Variants in PLD5 observed in about 807,000 individuals in gnomAD.
PLD5 encodes the protein phospholipase D family member 5.
A neutral mutation model predicts 61.1 loss-of-function variants in PLD5; 36 were observed. The ratio of observed to expected loss-of-function variants is 0.59; its 90% CI spans 0.45 to 0.78. The LOEUF (loss-of-function observed/expected upper bound fraction) is 0.78. Ranked by LOEUF, PLD5 falls within the 30% of genes least tolerant of loss-of-function variation. The pLI is 0.00. For synonymous variants in PLD5, 243 were observed against 242.8 expected, an observed-to-expected ratio of 1.00 and a Z score of -0.01; for missense variants, 515 against 644.4, an observed-to-expected ratio of 0.80 and a Z score of 2.17.
chr1:242,265,326 C>T lies in PLD5; in HGVS notation c.607+11G>A. 1 of 1,603,792 alleles carries T rather than the reference C, an allele frequency of 6.2e-7. No individual in the cohort carries two copies. The highest frequency in any genetic ancestry group is 8.5e-7 in the Non-Finnish European group (1 of 1,177,822). Reference sequence around the variant, plus strand: ...CCCAGCGGTAGAATAGCATATCAACCTTGGTCTTACCCTTTAATTTCAAGG... The same window carrying T: ...CCCAGCGGTAGAATAGCATATCAACTTTGGTCTTACCCTTTAATTTCAAGG... On this transcript the variant is annotated intron_variant, in intron 4 of 9. Transcript: ENST00000536534.
intron 1 of PLD5, among the ~76,000 whole-genome samples, chr1:242,507,994 G>GTTTTT (rs34331301): frequency 1.4e-5 from 2 of 147,486 alleles, no homozygotes; most frequent in African/African-American, 5.0e-5. Context: ...TTTTTAATCT[G>GTTTTT]TTTTTTTTTT....
At chr1:242,350,990 C>CTT (rs1660445809) in intron 1 of PLD5, among the ~76,000 whole-genome samples, 1 of 151,908 alleles carries the variant, frequency 6.6e-6, no homozygotes, top group Non-Finnish European at 1.5e-5. Context: ...CAACCTCTAC[C>CTT]TCCCAGGCTC....
At chr1:242,503,512 A>G (rs1668623131) in intron 1 of PLD5, among the ~76,000 whole-genome samples, 2 of 152,182 alleles carry the variant, frequency 1.3e-5, no homozygotes, top group Non-Finnish European at 1.5e-5. Flanking sequence ...CAATGCAAAA[A>G]TGATCTAACA....
chr1:242,197,480 T>C (rs1668705888), intron 5 of PLD5, among the ~76,000 whole-genome samples: 1 of 152,174 alleles, frequency 6.6e-6, no homozygotes, highest in Non-Finnish European at 1.5e-5. Context: ...GCCTTTTCTC[T>C]GAACCACAAA....
intron 2 of PLD5, among the ~76,000 whole-genome samples, chr1:242,328,263 T>TATATAC (rs1553350997): frequency 6.6e-6 from 1 of 151,966 alleles, no homozygotes; most frequent in African/African-American, 2.4e-5. Flanking sequence ...TATATATATA[T>TATATAC]ACACACACAT....
intron 1 of PLD5, among the ~76,000 whole-genome samples, chr1:242,512,236 CT>C (rs1403638060): frequency 1.3e-5 from 2 of 149,304 alleles, no homozygotes; most frequent in South Asian, 2.1e-4. Context: ...ACGGTGAAAC[CT>C]CGTCTCTACT....
chr1:242,277,077 C>G (rs1289314563), intron 3 of PLD5, among the ~76,000 whole-genome samples: 1 of 152,086 alleles, frequency 6.6e-6, no homozygotes, highest in Non-Finnish European at 1.5e-5. Flanking sequence ...TGAAAATTAC[C>G]TGTGGGGTTG....
At chr1:242,336,099 C>A (rs1182615974) in intron 2 of PLD5, among the ~76,000 whole-genome samples, 3 of 152,124 alleles carry the variant, frequency 2.0e-5, no homozygotes, top group Non-Finnish European at 4.4e-5. Context: ...TTCAACACTC[C>A]TCAGAATTTT....
chr1:242,141,568 T>C (rs1008271579), intron 5 of PLD5, among the ~76,000 whole-genome samples: 1 of 152,176 alleles, frequency 6.6e-6, no homozygotes, highest in East Asian at 1.9e-4. Context: ...TTCCTTCTAT[T>C]CCCTAAAGAG....
chr1:242,111,541 T>C (rs1661504502), intron 7 of PLD5, among the ~76,000 whole-genome samples: 1 of 152,168 alleles, frequency 6.6e-6, no homozygotes, highest in South Asian at 2.1e-4. Context: ...TTCATCTGGA[T>C]GTTTGGCAAT....
chr1:242,457,765 C>G (rs1666988749), intron 1 of PLD5, among the ~76,000 whole-genome samples: 1 of 152,244 alleles, frequency 6.6e-6, no homozygotes, highest in African/African-American at 2.4e-5. Context: ...GGCTCAACCT[C>G]TGCCTCCTCC....
At chr1:242,155,842 A>G (rs1665320161) in intron 5 of PLD5, among the ~76,000 whole-genome samples, 1 of 152,050 alleles carries the variant, frequency 6.6e-6, no homozygotes, top group African/African-American at 2.4e-5. Flanking sequence ...TTGGGTGGAG[A>G]GTTCTGTAGA....
At chr1:242,329,466 G>T (rs1245446289) in intron 2 of PLD5, among the ~76,000 whole-genome samples, 1 of 152,006 alleles carries the variant, frequency 6.6e-6, no homozygotes, top group Admixed American at 6.6e-5. Context: ...TTTTTCTGAG[G>T]TCCTTGTCCA....
chr1:242,308,963 G>A (rs1321217817), intron 2 of PLD5, among the ~76,000 whole-genome samples: 1 of 152,126 alleles, frequency 6.6e-6, no homozygotes, highest in Non-Finnish European at 1.5e-5. Flanking sequence ...AAGGAGGAGC[G>A]GGGACGTAAG....
intron 1 of PLD5, among the ~76,000 whole-genome samples, chr1:242,366,623 A>G (rs1273405673): frequency 2.0e-5 from 3 of 152,188 alleles, no homozygotes; most frequent in Non-Finnish European, 2.9e-5. Flanking sequence ...TACCATTTGT[A>G]ATTGGTAATT....
chr1:242,270,352 C>T (rs1358292395), intron 3 of PLD5, among the ~76,000 whole-genome samples: 3 of 151,734 alleles, frequency 2.0e-5, no homozygotes, highest in Non-Finnish European at 4.4e-5. Context: ...GATCAATAAT[C>T]AGCCAATCTC....
chr1:242,207,948 ATT>A (rs1491313194), intron 5 of PLD5, among the ~76,000 whole-genome samples: 1 of 59,464 alleles, frequency 1.7e-5, no homozygotes, highest in African/African-American at 6.9e-5. Context: ...ATTTATATAT[ATT>A]TATTTATATA....
At chr1:242,290,761 T>C (rs1675311409) in intron 2 of PLD5, among the ~76,000 whole-genome samples, 1 of 151,310 alleles carries the variant, frequency 6.6e-6, no homozygotes, top group Admixed American at 6.6e-5. Flanking sequence ...GCAGAAACAA[T>C]GAGGACACAG....
intron 1 of PLD5, among the ~76,000 whole-genome samples, chr1:242,488,379 T>C (rs965188825): frequency 2.0e-5 from 3 of 152,214 alleles, no homozygotes; most frequent in African/African-American, 7.2e-5. Flanking sequence ...TAGAATATTA[T>C]TCAGCACTAA....
Sources: allele counts gnomAD v4.1 joint callset (sites outside exome capture counted in the v4.1 genomes callset), GRCh38; gene constraint gnomAD v4.1.1; transcripts MANE v1.5; gene names NCBI Gene and HGNC (gene_info 2026-07-23, HGNC 2026-07-21).